DNM1: variants seen among roughly 807,000 people sequenced by gnomAD.
DNM1 encodes dynamin 1.
Under a neutral mutation model 104.6 loss-of-function variants are expected in DNM1, and 29 were observed. That is an observed-to-expected ratio of 0.28 (90% confidence interval 0.21 to 0.38). The LOEUF is 0.38. Among genes scored for constraint, DNM1 ranks in the 10% least tolerant of loss-of-function variants. The pLI is 1.00. For missense variants in DNM1, 640 were observed against 1,189.4 expected (o/e 0.54, Z 6.79); for synonymous variants, 445 against 475.8 (o/e 0.94, Z 0.84).
In DNM1 at chr9:128,254,470, C is replaced by T. The variant is rs1829725840; in HGVS notation, c.2535-184C>T. 2 of 1,495,352 alleles carry T rather than the reference C, an allele frequency of 1.3e-6. No homozygotes were observed. The highest frequency in any genetic ancestry group is 1.8e-6 in the Non-Finnish European group (2 of 1,130,814). The allele number at this position is 1,495,352 out of a possible 1,614,324, so 92.6% of individuals were successfully genotyped here. ...AGCTACGGCTCCTCCCTCCATCTTC[C>T]TCCCCTTTCCCTTCCAGCCCCTTTT... On this transcript the variant is annotated intron_variant, in intron 21 of 21. Transcript: ENST00000372923. The surrounding 1 kb of genome is among the most constrained non-coding windows in gnomAD (Gnocchi z 6.1).
At position 128,220,435 on chromosome 9, in the gene DNM1, C is replaced by T; in HGVS notation, c.849+94C>T. ...GAGAGTGAACAGCAGAGGTTAGCCT[C>T]TCCGTAGTGCAGATAGACAAACTGA... is the stretch of plus-strand genomic sequence containing the variant. On this transcript the variant is annotated intron_variant, in intron 6 of 21. Coordinates refer to ENST00000372923, the MANE Select transcript of DNM1 (RefSeq NM_004408.4). The surrounding 1 kb of genome is among the most constrained non-coding windows in gnomAD (Gnocchi z 5.2). The T allele has an allele frequency of 6.8e-7, 1 of 1,475,430 alleles. No homozygotes were observed. The highest frequency in any genetic ancestry group is 1.2e-5 in the South Asian group (1 of 82,682). 91.4% of individuals were successfully genotyped at this position (1,475,430 alleles called of 1,614,324 possible).
chr9:128,223,148 T>G, intron 9 of DNM1: 1 of 426,594 alleles, frequency 2.3e-6, no homozygotes, highest in South Asian at 2.7e-5. Flanking sequence ...GTGAGATAGC[T>G]CCCCCAGTGC....
intron 10 of DNM1, among the ~76,000 whole-genome samples, chr9:128,226,449 A>G (rs1188219369): frequency 6.6e-6 from 1 of 152,244 alleles, no homozygotes; most frequent in Non-Finnish European, 1.5e-5. Flanking sequence ...CTGAGCACCT[A>G]CTATGTGCCA....
chr9:128,206,069 G>C (rs1452497651), intron 1 of DNM1, among the ~76,000 whole-genome samples: 1 of 152,166 alleles, frequency 6.6e-6, no homozygotes, highest in African/African-American at 2.4e-5. Context: ...AGGCTCAGTG[G>C]GTTCCACTGT....
chr9:128,207,187 G>A (rs1422071556), intron 1 of DNM1, among the ~76,000 whole-genome samples: 1 of 152,066 alleles, frequency 6.6e-6, no homozygotes, highest in Non-Finnish European at 1.5e-5. Flanking sequence ...ACCAGGGTTT[G>A]GTTCTGAACA....
At chr9:128,242,455 G>A (rs919740035) in intron 15 of DNM1, 110 bp downstream of exon 15, 27 of 638,454 alleles carry the variant, frequency 4.2e-5, no homozygotes, top group Non-Finnish European at 2.8e-6. Context: ...GTTTTAAAAT[G>A]TCTCGTCAAA....
Position 128,253,032 on chromosome 9 carries a change from G to T in DNM1, c.2535-1622G>T. The T allele has an allele frequency of 6.6e-7, 1 of 1,515,370 alleles. No homozygotes were observed. 93.9% of individuals were successfully genotyped at this position (1,515,370 alleles called of 1,614,324 possible). Reference sequence around the variant, plus strand: ...CACGCCCGGGCGTGTGCGTGTGTGTGTCCCCCACCCCCAGGCCGGCCCCAC... The same window carrying T: ...CACGCCCGGGCGTGTGCGTGTGTGTTTCCCCCACCCCCAGGCCGGCCCCAC... On this transcript the variant is annotated intron_variant, in intron 21 of 21. Coordinates refer to ENST00000372923, the MANE Select transcript of DNM1 (RefSeq NM_004408.4). This position sits in a 1 kb window ranked among gnomAD's most constrained non-coding sequence, Gnocchi z 5.9.
intron 15 of DNM1, among the ~76,000 whole-genome samples, chr9:128,246,024 G>C (rs942044784): frequency 6.6e-6 from 1 of 152,262 alleles, no homozygotes; most frequent in Non-Finnish European, 1.5e-5. Context: ...TCTGCAGTCA[G>C]GAAATGAAGT....
intron 11 of DNM1, among the ~76,000 whole-genome samples, chr9:128,236,012 CT>C (rs1404400119): frequency 2.6e-5 from 4 of 152,196 alleles, no homozygotes. Context: ...CGTGCCCAGG[CT>C]GGTCAGGCTT....
At position 128,224,373 on chromosome 9, in the gene DNM1, G is replaced by A. The variant is rs755327329; in HGVS notation, c.1319G>A (p.Arg440Lys). 6.2e-7 allele frequency: 1 copy of A among 1,612,056 alleles called. No homozygotes were observed. The highest frequency in any genetic ancestry group is 8.5e-7 in the Non-Finnish European group (1 of 1,178,514). ...ATCTCGGAGCTAATCAGCACCGTTAGACAGTGCACCAAGAAGGTAACCCGG... is the reference window on the plus strand; with the variant it reads ...ATCTCGGAGCTAATCAGCACCGTTAAACAGTGCACCAAGAAGGTAACCCGG... ...MVISELISTV[R>K]QCTKKLQQYP... The change falls in exon 10 of 22, where the codon AGA (arginine) becomes AAA (lysine). Residue 440 changes from arginine (R) to lysine (K), a missense_variant. Coordinates refer to ENST00000372923, the MANE Select transcript of DNM1 (RefSeq NM_004408.4). This position sits in a 1 kb window ranked among gnomAD's most constrained non-coding sequence, Gnocchi z 4.3.
Position 128,250,265 on chromosome 9 carries a change from G to C in DNM1, c.2227G>C (p.Gly743Arg). The C allele has an allele frequency of 6.2e-7, 1 of 1,613,542 alleles. No individual in the cohort carries two copies. Among genetic ancestry groups the C allele is most frequent in the Non-Finnish European group, 8.5e-7 (1 of 1,179,834 alleles). The change falls in exon 20 of 22, where the codon GGC becomes CGC. Residue 743 changes from glycine to arginine, a missense_variant. Physicochemically the swap from Gly to Arg is moderately radical, Grantham distance 125 (BLOSUM62 -2). Transcript: ENST00000372923. ...ACTGAAGGAGGCGCTCAGCATCATC[G>C]GCGACATCAACACGACCACCGTCAG... ...HALKEALSIIGDINTTTVSTP... is the reference protein window; with the variant it reads ...HALKEALSIIRDINTTTVSTP...
chr9:128,209,279 G>A (rs901259221), intron 1 of DNM1, among the ~76,000 whole-genome samples: 1 of 152,166 alleles, frequency 6.6e-6, no homozygotes, highest in Non-Finnish European at 1.5e-5. Flanking sequence ...CAGAGGAGCT[G>A]GGAGTGAAAG....
At chr9:128,207,875 C>T (rs905386160) in intron 1 of DNM1, among the ~76,000 whole-genome samples, 3 of 151,998 alleles carry the variant, frequency 2.0e-5, no homozygotes, top group African/African-American at 4.8e-5. Context: ...GATGGGGGCA[C>T]GGGTTGGGGA....
intron 11 of DNM1, among the ~76,000 whole-genome samples, chr9:128,239,024 G>A (rs930559771): frequency 2.0e-5 from 3 of 151,170 alleles, no homozygotes; most frequent in African/African-American, 7.3e-5. Flanking sequence ...TTCTCTCAGG[G>A]TTTTGCTCTG....
At chr9:128,237,815 C>T (rs2131244349) in intron 11 of DNM1, among the ~76,000 whole-genome samples, 1 of 152,222 alleles carries the variant, frequency 6.6e-6, no homozygotes, top group African/African-American at 2.4e-5. Context: ...GCTCTGACGC[C>T]CAGGCTGGAG....
chr9:128,223,035 GA>G, intron 9 of DNM1, 175 bp downstream of exon 9: 1 of 658,624 alleles, frequency 1.5e-6, no homozygotes, highest in Non-Finnish European at 2.6e-6. Context: ...TGGGGAGGTG[GA>G]CCCGGGCCAC....
intron 1 of DNM1, among the ~76,000 whole-genome samples, chr9:128,216,846 C>A (rs941693086): frequency 1.3e-5 from 2 of 152,210 alleles, no homozygotes; most frequent in African/African-American, 4.8e-5. Context: ...TTTTTCCCTC[C>A]CTGGGCCTCT....
rs144778049 is a variant in DNM1 at position 128,253,023 on chromosome 9, CGTGT to C, written c.2535-1624_2535-1621del. ...ATGTGTGTGCACGCCCGGGCGTGTG[CGTGT>C]GTGTGTCCCCCACCCCCAGGCCGGC... On this transcript the variant is annotated intron_variant, in intron 21 of 21. Transcript: ENST00000372923. The surrounding 1 kb of genome is among the most constrained non-coding windows in gnomAD (Gnocchi z 5.9). 2.8e-6 allele frequency: 4 copies of C among 1,421,332 alleles called. No homozygotes were observed. Among genetic ancestry groups the C allele is most frequent in the East Asian group, 2.3e-5 (1 of 43,902 alleles). The allele number at this position is 1,421,332 out of a possible 1,614,324, so 88.0% of individuals were successfully genotyped here.
rs138053929 is a variant in DNM1, at chr9:128,220,288, C to T, written c.796C>T (p.Arg266Cys). The T allele has an allele frequency of 3.8e-5, 61 of 1,614,108 alleles. No homozygotes were observed. Among genetic ancestry groups the T allele is most frequent in the Non-Finnish European group, 4.4e-5 (52 of 1,180,054 alleles). Residue 266 changes from arginine (R) to cysteine (C), a missense_variant, in exon 6 of 22, where the codon CGC becomes TGC. This residue lies in a region of DNM1 where 81 missense variants were observed against 99.8 expected (regional missense o/e 0.81). Coordinates refer to ENST00000372923, the MANE Select transcript of DNM1 (RefSeq NM_004408.4). This position sits in a 1 kb window ranked among gnomAD's most constrained non-coding sequence, Gnocchi z 5.2. ...GTTCTTCCTCTCCCATCCATCTTAT[C>T]GCCACTTGGCTGACCGTATGGGCAC... ...RKFFLSHPSY[R>C]HLADRMGTPY...
Sources: gnomAD v4.1 joint callset for allele counts (sites outside exome capture counted in the v4.1 genomes callset) on GRCh38, gnomAD v4.1.1 for gene constraint, gnomAD v4.1.1 regional missense constraint, Gnocchi (gnomAD v3.1) non-coding constraint, MANE v1.5 for transcripts, NCBI Gene and HGNC (gene_info 2026-07-23, HGNC 2026-07-21) for gene names.